The following STS variants were observed in gnomAD, a reference collection of about 807,000 sequenced individuals.
STS encodes steroid sulfatase.
In STS, 7 loss-of-function variants were observed where a neutral mutation model predicts 26.8. The observed-to-expected ratio is 0.26, with a 90% CI of 0.15 to 0.49. The LOEUF is 0.49. Among genes scored for constraint, STS ranks in the 20% least tolerant of loss-of-function variants. The pLI is 0.98. For missense variants in STS, 434 were observed against 465.6 expected, an observed-to-expected ratio of 0.93 and a Z score of 0.63; for synonymous variants, 199 against 189.4, an observed-to-expected ratio of 1.05 and a Z score of -0.42.
At chrX:7,222,315 A>G (rs1241260142) in intron 2 of STS, among the ~76,000 whole-genome samples, 2 of 111,771 alleles carry the variant, frequency 1.8e-5, no homozygotes, top group African/African-American at 6.5e-5. Flanking sequence ...GAATTGTGTA[A>G]TCATGTTGTT....
At chrX:7,280,896 A>G (rs1251510050) in intron 7 of STS, among the ~76,000 whole-genome samples, 1 of 112,861 alleles carries the variant, frequency 8.9e-6, no homozygotes, top group Non-Finnish European at 1.9e-5. Flanking sequence ...CTTCCAATCA[A>G]AGCTTCCTGG....
intron 2 of STS, among the ~76,000 whole-genome samples, chrX:7,228,843 T>C (rs1311281909): frequency 8.9e-6 from 1 of 112,539 alleles, no homozygotes; most frequent in African/African-American, 3.2e-5. Flanking sequence ...TACATTTTAA[T>C]TTGGATAATT....
At chrX:7,293,932 G>A (rs1210043145) in intron 7 of STS, among the ~76,000 whole-genome samples, 2 of 110,514 alleles carry the variant, frequency 1.8e-5, no homozygotes, top group African/African-American at 6.6e-5. Flanking sequence ...CTCCAGCCTG[G>A]GCAACAAAGT....
intron 9 of STS, among the ~76,000 whole-genome samples, chrX:7,332,134 A>G (rs1452901443): frequency 1.8e-5 from 2 of 109,703 alleles, no homozygotes; most frequent in Non-Finnish European, 3.8e-5. Context: ...TGAAGCCAGA[A>G]GTTCAAGGCC....
At chrX:7,329,066 G>A (rs1224586027) in intron 9 of STS, among the ~76,000 whole-genome samples, 1 of 112,057 alleles carries the variant, frequency 8.9e-6, no homozygotes, top group African/African-American at 3.2e-5. Flanking sequence ...TAGTCCAGCT[G>A]TAAAATGCCT....
Position 7,219,893 on chromosome X carries a change from G to T in STS, c.-5+28885G>T, listed in dbSNP as rs1034192181. Among the ~76,000 whole-genome samples the T allele has an allele frequency of 8.9e-5, 10 of 112,570 alleles. No homozygotes were observed. The South Asian group carries it at 2.2e-3, about 25-fold the overall frequency. ...TTAGCGAGGGAACATTTTAGGAGAG[G>T]TTATAAATGCGGCTAATTAGTGACA... On this transcript the variant is annotated intron_variant, in intron 2 of 10. Coordinates refer to ENST00000674429, the MANE Select transcript of STS (RefSeq NM_001320752.2).
chrX:7,255,754 C>A (rs1269489365), intron 3 of STS, among the ~76,000 whole-genome samples: 1 of 112,329 alleles, frequency 8.9e-6, no homozygotes, highest in African/African-American at 3.2e-5. Flanking sequence ...AAGCATCTCA[C>A]CCTTTAAGAA....
At chrX:7,275,419 T>A (rs1167176569) in intron 6 of STS, among the ~76,000 whole-genome samples, 1 of 111,612 alleles carries the variant, frequency 9.0e-6, no homozygotes, top group Non-Finnish European at 1.9e-5. Context: ...ATACAAGAAT[T>A]ATTTGTATAT....
chrX:7,262,559 G>T (rs1213649379), intron 6 of STS, among the ~76,000 whole-genome samples: 1 of 112,024 alleles, frequency 8.9e-6, no homozygotes, highest in African/African-American at 3.2e-5. Context: ...TTAAAGCTGA[G>T]GAATATTTCA....
chrX:7,325,367 T>A lies in STS; in HGVS notation c.1110T>A (p.Gly370=). Residue 370 remains glycine (G), a synonymous_variant, in exon 9 of 11, where the codon GGT becomes GGA. Transcript: ENST00000674429. ...KGGKANNWEG[G]IRVPGILRWP... Reference sequence around the variant, plus strand: ...GAAAAGCAAACAACTGGGAAGGAGGTATCCGGGTTCCAGGCATCCTTCGTT... The same window carrying A: ...GAAAAGCAAACAACTGGGAAGGAGGAATCCGGGTTCCAGGCATCCTTCGTT... 8.3e-7 allele frequency: 1 copy of A among 1,211,081 alleles called. No homozygotes were observed. Among genetic ancestry groups the A allele is most frequent in the South Asian group, 1.8e-5 (1 of 56,947 alleles).
chrX:7,304,472 G>A lies in STS; in HGVS notation c.944-574G>A, dbSNP rs1249151014. Among the ~76,000 whole-genome samples, 6 of 111,368 alleles carry A rather than the reference G, an allele frequency of 5.4e-5. No homozygotes were observed. The Admixed American group carries it at 5.7e-4, about 11-fold the overall frequency. The stretch of plus-strand genomic sequence containing the variant: ...TTGTGATGGACGGTTTAGACTTGGA[G>A]AATAACTCCCGGTTATTCCTCTATC... On this transcript the variant is annotated intron_variant, in intron 7 of 10. Coordinates refer to ENST00000674429, the MANE Select transcript of STS (RefSeq NM_001320752.2).
rs764045356 is a variant in STS at position 7,287,448 on chromosome X, TTA to T, written c.943+11365_943+11366del. Among the ~76,000 whole-genome samples, 133 of 111,341 alleles carry T rather than the reference TTA, an allele frequency of 1.2e-3. 1 individual carries two copies. Among genetic ancestry groups the T allele is most frequent in the Admixed American group, 1.9e-3 (20 of 10,444 alleles). ...ATAGTTTGCTGGATAGATTTATTTC[TTA>T]TATGTTGCCAGTATGACATATTAAT... On this transcript the variant is annotated intron_variant, in intron 7 of 10. Transcript: ENST00000674429.
chrX:7,234,628 C>G (rs1922227521), intron 2 of STS, among the ~76,000 whole-genome samples: 1 of 111,643 alleles, frequency 9.0e-6, no homozygotes, highest in Non-Finnish European at 1.9e-5. Context: ...CTCTGGGAAC[C>G]TTGGCTTCTT....
At position 7,257,383 on chromosome X, in the gene STS, G is replaced by A. The variant is rs189905493; in HGVS notation, c.259+20G>A. ...GATCAGGTAACCTCCTATCTGCATC[G>A]CAGGGGCTGTGGTCACCTTCGGGAC... is the stretch of plus-strand genomic sequence containing the variant. On this transcript the variant is annotated intron_variant, in intron 4 of 10. Transcript: ENST00000674429. The A allele has an allele frequency of 2.3e-5, 28 of 1,210,593 alleles. No individual in the cohort carries two copies. The highest frequency in any genetic ancestry group is 7.0e-5 in the African/African-American group (4 of 57,449).
chrX:7,250,088 G>A (rs1030528195), intron 2 of STS, among the ~76,000 whole-genome samples: 6 of 109,824 alleles, frequency 5.5e-5, no homozygotes, highest in East Asian at 5.7e-4. Context: ...CCACCATGCC[G>A]AGAAAATTTT....
chrX:7,252,790 AAG>A (rs1300774279), intron 2 of STS, among the ~76,000 whole-genome samples: 3 of 111,716 alleles, frequency 2.7e-5, no homozygotes, highest in Non-Finnish European at 5.6e-5. Flanking sequence ...TTCCAGCACA[AAG>A]AGCTGCCCCA....
Position 7,350,140 on chromosome X carries a change from T to A in STS, c.1616T>A (p.Val539Glu). The A allele has an allele frequency of 5.0e-6, 6 of 1,211,609 alleles. No individual in the cohort carries two copies. Among genetic ancestry groups the A allele is most frequent in the Non-Finnish European group, 6.7e-6 (6 of 895,342 alleles). The change falls in exon 11 of 11, where the codon GTG becomes GAG. Residue 539 changes from valine to glutamate, a missense_variant. Around this residue, in one of 2 missense-constraint regions of STS, gnomAD observed 205 missense variants for 177.3 expected, o/e 1.16. Transcript: ENST00000674429. ...ADRHTQTLPEVPDQFSWNNFL... is the reference protein window; with the variant it reads ...ADRHTQTLPEEPDQFSWNNFL... ...AGACACACCCAGACCCTGCCAGAGG[T>A]GCCCGATCAGTTTTCATGGAACAAC...
chrX:7,197,471 C>T (rs867078189), intron 2 of STS, among the ~76,000 whole-genome samples: 11 of 110,802 alleles, frequency 9.9e-5, no homozygotes, highest in South Asian at 3.8e-4. Context: ...CAGAGTAGGG[C>T]GTTCCCGAAG....
rs1218020143 is a variant in STS, at chrX:7,152,203, C to T, written c.-134+4120C>T. 4.5e-5 allele frequency among the ~76,000 whole-genome samples: 5 copies of T among 112,033 alleles called. No homozygotes were observed. In the East Asian group the frequency reaches 1.4e-3, roughly 32 times the overall value. On this transcript the variant is annotated intron_variant, in intron 1 of 10. Coordinates refer to ENST00000674429, the MANE Select transcript of STS (RefSeq NM_001320752.2). The stretch of plus-strand genomic sequence containing the variant: ...TCCTGACCTTGCGATCCGCCCCCCT[C>T]AGCCTCCCAAAGTGCTGGGATTACA...
Sources: allele counts gnomAD v4.1 joint callset (sites outside exome capture counted in the v4.1 genomes callset), GRCh38; gene constraint gnomAD v4.1.1; regional missense constraint gnomAD v4.1.1; transcripts MANE v1.5; gene names NCBI Gene and HGNC (gene_info 2026-07-23, HGNC 2026-07-21).